Variants in RASSF3 observed in about 807,000 individuals in gnomAD.
RASSF3 encodes the protein Ras association domain family member 3.
Under a neutral mutation model 19.9 loss-of-function variants are expected in RASSF3, and 19 were observed. The observed-to-expected ratio is 0.96, with a 90% CI of 0.67 to 1.40. RASSF3 has a LOEUF of 1.40. RASSF3 is among the 40% of genes most tolerant of loss of function. The pLI, the probability that RASSF3 is intolerant of heterozygous loss-of-function variation, is 0.00. For missense variants in RASSF3, 306 were observed against 289.8 expected (o/e 1.06, Z -0.41); for synonymous variants, 110 against 104.2 (o/e 1.06, Z -0.34).
rs368334574 is a variant in RASSF3, at chr12:64,570,161, G to A, written c.294+28456G>A. On this transcript the variant is annotated intron_variant, in intron 2 of 5. Transcript: ENST00000637125. ...AGACTTTGGCCTATAAAGTTCACAA[G>A]CTTTAGAGCATAGATTTCTGGATGT... 3.7e-4 allele frequency among the ~76,000 whole-genome samples: 56 copies of A among 152,250 alleles called. No individual in the cohort carries two copies. The East Asian group carries it at 8.9e-3, about 24-fold the overall frequency.
chr12:64,689,698 G>A (rs1322728178), intron 3 of RASSF3, among the ~76,000 whole-genome samples: 1 of 151,962 alleles, frequency 6.6e-6, no homozygotes, highest in Non-Finnish European at 1.5e-5. Flanking sequence ...GTCACTGTAT[G>A]TGTGTGTCTA....
At position 64,688,785 on chromosome 12, in the gene RASSF3, AAGAGT is replaced by A. The variant is rs571791202; in HGVS notation, c.457+333_457+337del. On this transcript the variant is annotated intron_variant, in intron 3 of 4. Coordinates refer to ENST00000542104, the MANE Select transcript of RASSF3 (RefSeq NM_178169.4). ...GATTTTAGTTTTCTTTAGGACACAA[AAGAGT>A]GCCTCTGTGTTTGAAGTTTTCAATA... Among the ~76,000 whole-genome samples the A allele has an allele frequency of 4.2e-4, 64 of 152,274 alleles. 1 individual carries two copies. In the East Asian group the frequency reaches 0.011, roughly 26 times the overall value.
intron 1 of RASSF3, among the ~76,000 whole-genome samples, chr12:64,514,722 A>G (rs1273351661): frequency 6.6e-5 from 10 of 152,020 alleles, no homozygotes; most frequent in Non-Finnish European, 1.5e-4. Flanking sequence ...ATTCCTGCTG[A>G]TGTTTATTTC....
At chr12:64,625,774 G>C (rs1393927432) in intron 1 of RASSF3, among the ~76,000 whole-genome samples, 2 of 152,188 alleles carry the variant, frequency 1.3e-5, no homozygotes, top group African/African-American at 2.4e-5. Context: ...CAGAGTGACT[G>C]TCTCGGCTCT....
At chr12:64,568,219 A>G (rs1430596154) in intron 2 of RASSF3, among the ~76,000 whole-genome samples, 1 of 151,602 alleles carries the variant, frequency 6.6e-6, no homozygotes, top group Admixed American at 6.6e-5. Flanking sequence ...TTTAGTAGAG[A>G]CAGGGGTTTC....
intron 1 of RASSF3, among the ~76,000 whole-genome samples, chr12:64,525,493 G>A (rs904004393): frequency 1.3e-5 from 2 of 152,050 alleles, no homozygotes; most frequent in Non-Finnish European, 2.9e-5. Flanking sequence ...CTTTTAGCAG[G>A]CCTGACTGGC....
intron 1 of RASSF3, among the ~76,000 whole-genome samples, chr12:64,539,959 T>G (rs1469610467): frequency 1.3e-5 from 2 of 152,200 alleles, no homozygotes. Context: ...ACATGTGGGT[T>G]TCAGGCAGTC....
At chr12:64,587,087 C>T (rs1294946309) in intron 2 of RASSF3, among the ~76,000 whole-genome samples, 3 of 117,108 alleles carry the variant, frequency 2.6e-5, no homozygotes, top group Non-Finnish European at 5.1e-5. Context: ...GAGTTTCGCT[C>T]TTGTTGCCCA....
chr12:64,631,135 G>T (rs1033531142), intron 1 of RASSF3, among the ~76,000 whole-genome samples: 1 of 152,180 alleles, frequency 6.6e-6, no homozygotes, highest in African/African-American at 2.4e-5. Flanking sequence ...GAAGCATGGG[G>T]GCACCAGCAG....
chr12:64,516,770 C>T (rs187498323), intron 1 of RASSF3, among the ~76,000 whole-genome samples: 735 of 151,978 alleles, frequency 4.8e-3, no homozygotes, highest in South Asian at 8.1e-3. Flanking sequence ...GAGGCCGAGG[C>T]GGGTGGATCA....
At chr12:64,532,683 T>A (rs187894998), upstream of RASSF3, among the ~76,000 whole-genome samples, 30 of 150,932 alleles carry the variant, frequency 2.0e-4, no homozygotes, top group African/African-American at 4.7e-4. Context: ...ATTTTTTTTT[T>A]AAATTAGGCA....
At chr12:64,671,179 C>T (rs993090636) in intron 1 of RASSF3, among the ~76,000 whole-genome samples, 2 of 152,026 alleles carry the variant, frequency 1.3e-5, no homozygotes, top group Non-Finnish European at 2.9e-5. Context: ...GGATGAGGGA[C>T]CAGGAAAGAA....
At chr12:64,629,193 A>G (rs1031882545) in intron 1 of RASSF3, among the ~76,000 whole-genome samples, 13 of 150,584 alleles carry the variant, frequency 8.6e-5, no homozygotes, top group East Asian at 3.9e-4. Flanking sequence ...ACCTCTGCCT[A>G]TGGGTTCAAG....
intron 2 of RASSF3, among the ~76,000 whole-genome samples, chr12:64,571,624 A>T (rs968623912): frequency 1.3e-5 from 2 of 152,164 alleles, no homozygotes; most frequent in African/African-American, 4.8e-5. Context: ...GGTGGGAGGA[A>T]GCCAAGCTTG....
chr12:64,644,239 A>G (rs1289988416), intron 1 of RASSF3, among the ~76,000 whole-genome samples: 1 of 152,220 alleles, frequency 6.6e-6, no homozygotes, highest in Non-Finnish European at 1.5e-5. Context: ...TAACCTGTCA[A>G]AACTGTTCCT....
intron 1 of RASSF3, among the ~76,000 whole-genome samples, chr12:64,641,641 T>C (rs1420295332): frequency 6.6e-6 from 1 of 151,064 alleles, no homozygotes; most frequent in Non-Finnish European, 1.5e-5. Context: ...CTCTCTCTTT[T>C]TTTTTTTTTT....
intron 2 of RASSF3, among the ~76,000 whole-genome samples, chr12:64,585,016 G>C (rs1275602925): frequency 6.7e-6 from 1 of 150,352 alleles, no homozygotes; most frequent in Non-Finnish European, 1.5e-5. Context: ...CTCCTGAGTA[G>C]CTGGGACTAC....
chr12:64,658,550 C>T (rs1403032283), intron 1 of RASSF3, among the ~76,000 whole-genome samples: 2 of 152,282 alleles, frequency 1.3e-5, no homozygotes, highest in Middle Eastern at 3.4e-3. Context: ...GCCTGTAACC[C>T]CAGCACTTTG....
At chr12:64,558,826 C>T (rs562716260) in intron 2 of RASSF3, among the ~76,000 whole-genome samples, 5 of 152,280 alleles carry the variant, frequency 3.3e-5, no homozygotes, top group South Asian at 2.1e-4. Context: ...AGTGTGGGAA[C>T]GTTGAAGGGA....
Sources: gnomAD v4.1 joint callset for allele counts (sites outside exome capture counted in the v4.1 genomes callset) on GRCh38, gnomAD v4.1.1 for gene constraint, MANE v1.5 for transcripts, NCBI Gene and HGNC (gene_info 2026-07-23, HGNC 2026-07-21) for gene names.